CNTNAP5: variants seen among roughly 807,000 people sequenced by gnomAD.
The protein encoded by CNTNAP5 is contactin-associated protein-like 5.
CNTNAP5 carries 72 observed loss-of-function variants against 150.2 expected under a neutral mutation model. The ratio of observed to expected loss-of-function variants is 0.48; its 90% CI spans 0.40 to 0.58. The LOEUF (loss-of-function observed/expected upper bound fraction) is 0.58, where lower values mean the gene tolerates loss of function less well. Among genes scored for constraint, CNTNAP5 ranks in the 20% least tolerant of loss-of-function variants. CNTNAP5 has a pLI of 0.00. For missense variants in CNTNAP5, 1,636 were observed against 1,626.2 expected, an observed-to-expected ratio of 1.01 and a Z score of -0.10; for synonymous variants, 672 against 619.8, an observed-to-expected ratio of 1.08 and a Z score of -1.25.
intron 4 of CNTNAP5, among the ~76,000 whole-genome samples, chr2:124,428,499 A>G (rs932680951): frequency 4.6e-5 from 7 of 152,220 alleles, no homozygotes; most frequent in African/African-American, 1.2e-4. Context: ...TTGTACCTCT[A>G]CCATAACAAA....
chr2:124,150,117 A>AT (rs1039568448), intron 1 of CNTNAP5, among the ~76,000 whole-genome samples: 10 of 152,060 alleles, frequency 6.6e-5, no homozygotes, highest in South Asian at 4.2e-4. Flanking sequence ...CCTAATCAGA[A>AT]TTTTTTTTTC....
At chr2:124,605,857 T>C (rs951665922) in intron 11 of CNTNAP5, among the ~76,000 whole-genome samples, 1 of 117,676 alleles carries the variant, frequency 8.5e-6, no homozygotes, top group African/African-American at 3.1e-5. Flanking sequence ...AAAGAAAGAA[T>C]AGAAAGAATT....
At chr2:124,600,306 C>T (rs530667307) in intron 11 of CNTNAP5, among the ~76,000 whole-genome samples, 3 of 152,126 alleles carry the variant, frequency 2.0e-5, no homozygotes, top group African/African-American at 7.2e-5. Flanking sequence ...TCATAGGAGA[C>T]TGAAAATTCA....
chr2:124,295,448 T>C (rs1411013178), intron 3 of CNTNAP5, among the ~76,000 whole-genome samples: 1 of 152,238 alleles, frequency 6.6e-6, no homozygotes, highest in Admixed American at 6.5e-5. Context: ...TGAGTTAATT[T>C]TCCTTCTGAT....
At chr2:124,420,206 G>T (rs533121110) in intron 4 of CNTNAP5, among the ~76,000 whole-genome samples, 6 of 151,638 alleles carry the variant, frequency 4.0e-5, no homozygotes, top group Non-Finnish European at 5.9e-5. Flanking sequence ...GGCCAGGCTG[G>T]TCTCGAACTC....
chr2:124,060,733 A>G (rs909871007), intron 1 of CNTNAP5, among the ~76,000 whole-genome samples: 8 of 152,184 alleles, frequency 5.3e-5, no homozygotes, highest in Non-Finnish European at 7.3e-5. Flanking sequence ...GAGATTCAGA[A>G]ATACACTTAA....
At position 124,664,717 on chromosome 2, in the gene CNTNAP5, G is replaced by C. The variant is rs537432793; in HGVS notation, c.2077+16759G>C. Among the ~76,000 whole-genome samples, 31 of 152,334 alleles carry C rather than the reference G, an allele frequency of 2.0e-4. 1 individual carries two copies. In the South Asian group the frequency reaches 5.8e-3, roughly 28 times the overall value. ...TTTGTTTCTTTTGAGACGGAGTTTT[G>C]CTCTTATCACCCAGGCTGGAGGACA... On this transcript the variant is annotated intron_variant, in intron 13 of 23. Coordinates refer to ENST00000682447, the MANE Select transcript of CNTNAP5 (RefSeq NM_001367498.1).
intron 13 of CNTNAP5, among the ~76,000 whole-genome samples, chr2:124,707,140 G>GAAGAGGAAGAAGAAGAAGAAGAAGAAGAA (rs1679697343): frequency 1.2e-5 from 1 of 86,378 alleles, no homozygotes; most frequent in African/African-American, 4.6e-5. Context: ...AAGAAGAAGA[G>GAAGAGGAAGAAGAAGAAGAAGAAGAAGAA]GAAGAAGAAG....
intron 3 of CNTNAP5, among the ~76,000 whole-genome samples, chr2:124,354,470 G>C (rs2104705543): frequency 6.6e-6 from 1 of 152,302 alleles, no homozygotes; most frequent in Non-Finnish European, 1.5e-5. Flanking sequence ...GGCAGGGGCA[G>C]ATATTTTTAG....
At chr2:124,178,907 GTTATTTATTTATTTAT>G (rs199781615) in intron 1 of CNTNAP5, among the ~76,000 whole-genome samples, 2,023 of 141,146 alleles carry the variant, frequency 0.014, 24 homozygotes, top group African/African-American at 0.035. Context: ...ATTTTTATTT[GTTATTTATTTATTTAT>G]TTATTTATTT....
At chr2:124,229,372 G>A (rs1052421000) in intron 2 of CNTNAP5, among the ~76,000 whole-genome samples, 5 of 152,080 alleles carry the variant, frequency 3.3e-5, no homozygotes, top group African/African-American at 1.2e-4. Context: ...GGGATTAATA[G>A]TTAAAGCTCA....
At chr2:124,726,738 A>G (rs889156678) in intron 13 of CNTNAP5, among the ~76,000 whole-genome samples, 12 of 151,824 alleles carry the variant, frequency 7.9e-5, no homozygotes, top group Middle Eastern at 3.2e-3. Context: ...TTAACCCCTT[A>G]TCAGATGTAT....
chr2:124,052,520 T>C (rs75417966), intron 1 of CNTNAP5, among the ~76,000 whole-genome samples: 5,802 of 152,286 alleles, frequency 0.038, 381 homozygotes, highest in African/African-American at 0.13. Context: ...TGCAAGCATT[T>C]GCAGTGCAGA....
chr2:124,348,024 G>A (rs538013334), intron 3 of CNTNAP5, among the ~76,000 whole-genome samples: 7 of 152,076 alleles, frequency 4.6e-5, no homozygotes, highest in Admixed American at 2.6e-4. Context: ...TGGAGACGGG[G>A]TTTCACTGTG....
At chr2:124,043,307 A>G (rs1301166371) in intron 1 of CNTNAP5, among the ~76,000 whole-genome samples, 1 of 152,170 alleles carries the variant, frequency 6.6e-6, no homozygotes, top group East Asian at 1.9e-4. Flanking sequence ...CTCACAAGAC[A>G]GCTCAGTTCC....
intron 1 of CNTNAP5, among the ~76,000 whole-genome samples, chr2:124,048,036 A>C (rs1681587126): frequency 6.6e-6 from 1 of 152,198 alleles, no homozygotes; most frequent in African/African-American, 2.4e-5. Flanking sequence ...AGCTACACTG[A>C]AACATTCATT....
chr2:124,238,254 A>G (rs1171076507), intron 2 of CNTNAP5, among the ~76,000 whole-genome samples: 4 of 151,938 alleles, frequency 2.6e-5, no homozygotes, highest in African/African-American at 4.8e-5. Flanking sequence ...CTGCATTGCT[A>G]CTTCCTAGTT....
intron 4 of CNTNAP5, among the ~76,000 whole-genome samples, chr2:124,430,797 C>T (rs766535106): frequency 3.9e-5 from 6 of 152,070 alleles, no homozygotes; most frequent in African/African-American, 9.7e-5. Flanking sequence ...TGAAGGCTAC[C>T]GAATCCCAAA....
At chr2:124,207,412 A>G (rs994432801) in intron 1 of CNTNAP5, among the ~76,000 whole-genome samples, 1 of 152,044 alleles carries the variant, frequency 6.6e-6, no homozygotes, top group South Asian at 2.1e-4. Flanking sequence ...TTTCAAACCA[A>G]CTCCTTGTCA....
Sources: gnomAD v4.1 joint callset for allele counts (sites outside exome capture counted in the v4.1 genomes callset) on GRCh38, gnomAD v4.1.1 for gene constraint, MANE v1.5 for transcripts, NCBI Gene and HGNC (gene_info 2026-07-23, HGNC 2026-07-21) for gene names.